The following KRIT1 variants were observed in gnomAD, a reference collection of about 807,000 sequenced individuals.
KRIT1 encodes the protein krev interaction trapped protein 1.
KRIT1 carries 45 observed loss-of-function variants against 95.8 expected under a neutral mutation model. That is an observed-to-expected ratio of 0.47 (90% CI 0.37 to 0.60). The LOEUF (loss-of-function observed/expected upper bound fraction) is 0.60, where lower values mean the gene tolerates loss of function less well. Among genes scored for constraint, KRIT1 ranks in the 20% least tolerant of loss-of-function variants. The pLI, the probability that KRIT1 is intolerant of heterozygous loss-of-function variation, is 0.00. For synonymous variants in KRIT1, 282 were observed against 278.8 expected (o/e 1.01, Z -0.11); for missense variants, 788 against 877.5 (o/e 0.90, Z 1.29).
Position 92,222,132 on chromosome 7 carries a change from G to C in KRIT1, c.1412-79C>G, listed in dbSNP as rs1487187125. The C allele has an allele frequency of 7.4e-6, 8 of 1,086,244 alleles. No individual in the cohort carries two copies. The Admixed American group carries it at 8.5e-5, about 12-fold the overall frequency. The allele number at this position is 1,086,244 out of a possible 1,614,324, so 67.3% of individuals were successfully genotyped here. A position where few individuals can be genotyped will look rare whatever the true frequency, so the allele number is the denominator to read the frequency against. On this transcript the variant is annotated intron_variant, in intron 13 of 18. Transcript: ENST00000394505. ...ATGCATAGAAACTTTGTATTAAACT[G>C]TCTGCACTTCTGTACTGAATACTCA... is the stretch of plus-strand genomic sequence containing the variant.
intron 10 of KRIT1, among the ~76,000 whole-genome samples, chr7:92,232,397 T>G (rs958390495): frequency 1.3e-5 from 2 of 152,130 alleles, no homozygotes; most frequent in Admixed American, 1.3e-4. Context: ...AAAGGTAATA[T>G]TTTAGGAACT....
At chr7:92,219,001 TTTA>T (rs1213961875) in intron 14 of KRIT1, among the ~76,000 whole-genome samples, 2 of 152,132 alleles carry the variant, frequency 1.3e-5, no homozygotes, top group Admixed American at 1.3e-4. Context: ...GCATTTTATT[TTTA>T]TTATTATAAT....
At chr7:92,240,778 T>C (rs1029127385) in intron 5 of KRIT1, 1 of 571,720 alleles carries the variant, frequency 1.7e-6, no homozygotes, top group African/African-American at 1.9e-5. Context: ...ATCAACATTG[T>C]GAATTCTTTA....
chr7:92,224,787 C>T (rs1041236117), intron 12 of KRIT1, among the ~76,000 whole-genome samples: 5 of 152,126 alleles, frequency 3.3e-5, no homozygotes, highest in African/African-American at 1.2e-4. Context: ...GAATGATGTG[C>T]AATGCTTTCA....
intron 16 of KRIT1, 115 bp from the exon 17 acceptor site, chr7:92,213,516 TAA>T: frequency 1.4e-6 from 1 of 696,188 alleles, no homozygotes; most frequent in Non-Finnish European, 2.5e-6. Flanking sequence ...CCCTAAAGAA[TAA>T]AATTATGGCA....
intron 7 of KRIT1, chr7:92,235,942 AGTTTT>A: frequency 3.7e-6 from 1 of 271,854 alleles, no homozygotes; most frequent in Non-Finnish European, 7.0e-6. Context: ...TATTAATAAA[AGTTTT>A]GTTAATGGAT....
At chr7:92,224,814 G>T (rs1320075347) in intron 12 of KRIT1, among the ~76,000 whole-genome samples, 1 of 152,118 alleles carries the variant, frequency 6.6e-6, no homozygotes, top group Non-Finnish European at 1.5e-5. Context: ...AATATAAAAT[G>T]TTGCTTAAGA....
rs912890105 is a variant in KRIT1, at chr7:92,200,457, C to T, written c.*279G>A. The T allele has an allele frequency of 2.0e-5, 8 of 393,152 alleles. No individual in the cohort carries two copies. The highest frequency in any genetic ancestry group is 9.2e-5 in the South Asian group (4 of 43,426). The allele number at this position is 393,152 out of a possible 1,614,324, so 24.4% of individuals were successfully genotyped here. ...ACAACCTCCACCTCCTGGGTTTAAG[C>T]GATCTCCCACCTTGGCCTCCCTAGT... On this transcript the variant is annotated 3_prime_UTR_variant, in exon 19 of 19. Transcript: ENST00000394505.
At chr7:92,242,816 T>TTTTGA (rs1183331655) in intron 3 of KRIT1, among the ~76,000 whole-genome samples, 1 of 151,524 alleles carries the variant, frequency 6.6e-6, no homozygotes, top group Non-Finnish European at 1.5e-5. Flanking sequence ...TAATCCAAAT[T>TTTTGA]TTTGTTTTGT....
intron 5 of KRIT1, 61 bp from the exon 6 acceptor site, chr7:92,237,820 C>A: frequency 1.2e-6 from 1 of 860,766 alleles, no homozygotes; most frequent in Non-Finnish European, 2.0e-6. Flanking sequence ...TTATAAATTA[C>A]CTTGAGAATT....
At chr7:92,215,009 A>C (rs1793659988) in intron 14 of KRIT1, among the ~76,000 whole-genome samples, 1 of 152,208 alleles carries the variant, frequency 6.6e-6, no homozygotes, top group Non-Finnish European at 1.5e-5. Flanking sequence ...GCACAAAGAA[A>C]GCCACAGGTG....
At chr7:92,240,268 T>C (rs766173377) in intron 5 of KRIT1, among the ~76,000 whole-genome samples, 11 of 152,142 alleles carry the variant, frequency 7.2e-5, no homozygotes, top group Non-Finnish European at 1.3e-4. Context: ...CTGAAACATA[T>C]GAATCAGATA....
intron 12 of KRIT1, 89 bp downstream of exon 12, chr7:92,225,631 C>A (rs548487931): frequency 1.3e-6 from 1 of 792,560 alleles, no homozygotes; most frequent in South Asian, 1.4e-5. Flanking sequence ...GCCATCTAAT[C>A]GTCTTTCCAC....
At chr7:92,201,226 T>G (rs999889870) in intron 18 of KRIT1, 81 bp downstream of exon 18, 3 of 780,110 alleles carry the variant, frequency 3.8e-6, no homozygotes, top group Non-Finnish European at 4.6e-6. Context: ...TCCTTGAAGT[T>G]AAATGGATGT....
chr7:92,238,667 C>T (rs1347174804), intron 5 of KRIT1, among the ~76,000 whole-genome samples: 1 of 152,200 alleles, frequency 6.6e-6, no homozygotes, highest in Non-Finnish European at 1.5e-5. Context: ...TCCTGCCTTG[C>T]TGTTTCCCCA....
In KRIT1 at chr7:92,214,790, A is replaced by G. The variant is rs1322437401; in HGVS notation, c.1564-13T>C. The G allele has an allele frequency of 1.9e-6, 3 of 1,566,312 alleles. No homozygotes were observed. The Admixed American group carries it at 5.0e-5, about 26-fold the overall frequency. On this transcript the variant is annotated splice_polypyrimidine_tract_variant and intron_variant, in intron 14 of 18. Coordinates refer to ENST00000394505, the MANE Select transcript of KRIT1 (RefSeq NM_194454.3). Reference sequence around the variant, plus strand: ...GTGGGTCTTCAATCTTAAAGGAAAAAGTATAATTTGGTTATTAGGCTACAA... The same window carrying G: ...GTGGGTCTTCAATCTTAAAGGAAAAGGTATAATTTGGTTATTAGGCTACAA...
intron 5 of KRIT1, among the ~76,000 whole-genome samples, chr7:92,239,845 G>T (rs1799238299): frequency 6.6e-6 from 1 of 151,766 alleles, no homozygotes; most frequent in Non-Finnish European, 1.5e-5. Context: ...TGAGTAGCTG[G>T]GACTATAGGC....
intron 17 of KRIT1, among the ~76,000 whole-genome samples, chr7:92,201,904 T>C (rs1445710369): frequency 6.6e-6 from 1 of 152,164 alleles, no homozygotes; most frequent in Non-Finnish European, 1.5e-5. Flanking sequence ...CAGAATCACA[T>C]AGATTGGTAG....
At chr7:92,239,340 A>G (rs1335423359) in intron 5 of KRIT1, among the ~76,000 whole-genome samples, 1 of 152,240 alleles carries the variant, frequency 6.6e-6, no homozygotes, top group Non-Finnish European at 1.5e-5. Flanking sequence ...ACAACAAATT[A>G]TGACTTTTTT....
Sources: gnomAD v4.1 joint callset for allele counts (sites outside exome capture counted in the v4.1 genomes callset) on GRCh38, gnomAD v4.1.1 for gene constraint, MANE v1.5 for transcripts, NCBI Gene and HGNC (gene_info 2026-07-23, HGNC 2026-07-21) for gene names.